MAPK9: variants seen among roughly 807,000 people sequenced by gnomAD.
MAPK9 encodes mitogen-activated protein kinase 9, also known as Jun kinase.
In MAPK9, 30 loss-of-function variants were observed where a neutral mutation model predicts 57.1. The observed-to-expected ratio is 0.53, with a 90% confidence interval of 0.39 to 0.71. The LOEUF (loss-of-function observed/expected upper bound fraction) is 0.71. MAPK9 is among the 30% of genes least tolerant of loss of function. The pLI, the probability that MAPK9 is intolerant of heterozygous loss-of-function variation, is 0.00. For missense variants in MAPK9, 362 were observed against 521.0 expected (o/e 0.69, Z 2.97); for synonymous variants, 155 against 177.0 (o/e 0.88, Z 0.99).
At chr5:180,248,926 A>T in intron 6 of MAPK9, 47 bp downstream of exon 6, 2 of 1,549,856 alleles carry the variant, frequency 1.3e-6, no homozygotes, top group Non-Finnish European at 1.7e-6. Context: ...CCACCGCTAG[A>T]GCAATTTCTA....
chr5:180,239,011 A>G (rs1006607839), intron 10 of MAPK9, among the ~76,000 whole-genome samples: 4 of 152,022 alleles, frequency 2.6e-5, no homozygotes, highest in Admixed American at 2.6e-4. Context: ...CCCACAGAAC[A>G]CTGTAGGGGA....
chr5:180,266,251 C>A (rs965689213), intron 3 of MAPK9, among the ~76,000 whole-genome samples: 10 of 149,976 alleles, frequency 6.7e-5, no homozygotes, highest in African/African-American at 2.2e-4. Context: ...TTGGCAAAAG[C>A]AAAACAAAAA....
intron 4 of MAPK9, among the ~76,000 whole-genome samples, chr5:180,262,369 A>G (rs748878314): frequency 6.8e-5 from 8 of 118,122 alleles, no homozygotes; most frequent in Non-Finnish European, 1.5e-4. Context: ...CTCCCTTTGC[A>G]AGCAAAACTC....
chr5:180,276,025 T>C (rs1246654222), intron 2 of MAPK9, among the ~76,000 whole-genome samples: 3 of 152,190 alleles, frequency 2.0e-5, no homozygotes, highest in African/African-American at 4.8e-5. Context: ...GTGAAAATAT[T>C]GAGGCCCATA....
intron 5 of MAPK9, among the ~76,000 whole-genome samples, chr5:180,260,181 T>A (rs1398062340): frequency 6.6e-6 from 1 of 152,118 alleles, no homozygotes; most frequent in Non-Finnish European, 1.5e-5. Context: ...CTTGAAGACA[T>A]AAAAGAACTC....
At chr5:180,282,408 G>A (rs1209911131) in intron 1 of MAPK9, among the ~76,000 whole-genome samples, 2 of 152,172 alleles carry the variant, frequency 1.3e-5, no homozygotes, top group Non-Finnish European at 2.9e-5. Flanking sequence ...CGCGAGCAGT[G>A]AGTCCATTAT....
chr5:180,236,321 G>A lies in MAPK9; in HGVS notation c.*63C>T. On this transcript the variant is annotated 3_prime_UTR_variant, in exon 12 of 12. Coordinates refer to ENST00000452135, the MANE Select transcript of MAPK9 (RefSeq NM_002752.5). ...TCTATTTGGTTCCATCAACTCCCAA[G>A]CATTTCAGGCCCACGGAGGTGAGAG... The A allele has an allele frequency of 2.6e-6, 4 of 1,517,742 alleles. No individual in the cohort carries two copies. The South Asian group carries it at 3.9e-5, about 15-fold the overall frequency. 94.0% of individuals were successfully genotyped at this position (1,517,742 alleles called of 1,614,324 possible).
intron 9 of MAPK9, among the ~76,000 whole-genome samples, chr5:180,240,404 G>A (rs1757547889): frequency 6.6e-6 from 1 of 152,172 alleles, no homozygotes; most frequent in Non-Finnish European, 1.5e-5. Flanking sequence ...ACTCATAAAT[G>A]GACTGTTATA....
chr5:180,258,223 TATAA>T (rs1405648688), intron 5 of MAPK9: 1 of 152,250 alleles, frequency 6.6e-6, no homozygotes, highest in Non-Finnish European at 1.5e-5. Flanking sequence ...GGAAAAACCT[TATAA>T]ATGTCAGAAA....
At chr5:180,241,340 T>C (rs542625839) in intron 8 of MAPK9, among the ~76,000 whole-genome samples, 185 bp from the exon 9 acceptor site, 3 of 151,932 alleles carry the variant, frequency 2.0e-5, no homozygotes, top group Non-Finnish European at 2.9e-5. Context: ...AGTCTCGCTC[T>C]GTCGCCCAAT....
rs1278990216 is a variant in MAPK9, at chr5:180,280,571, T to C, written c.-10A>G. On this transcript the variant is annotated 5_prime_UTR_variant, in exon 2 of 12. Transcript: ENST00000452135. Reference sequence around the variant, plus strand: ...ATTTACTGTCGCTCATGATGCAGCGTCCTGCAATATCCCGAAGGGTGGGCA... The same window carrying C: ...ATTTACTGTCGCTCATGATGCAGCGCCCTGCAATATCCCGAAGGGTGGGCA... 6.2e-7 allele frequency: 1 copy of C among 1,610,820 alleles called. No homozygotes were observed. Among genetic ancestry groups the C allele is most frequent in the Non-Finnish European group, 8.5e-7 (1 of 1,178,842 alleles).
chr5:180,236,411 C>T lies in MAPK9; in HGVS notation c.1248G>A (p.Ser416=), dbSNP rs1318651310. ...ATCGACAGCCTTCAAGGGGTCCCGT[C>T]GAGGCATCAAGACTGCTGTCTGTGT... ...ASDTDSSLDA[S]TGPLEGCR The change falls in exon 12 of 12, where the codon TCG becomes TCA. Residue 416 remains serine (S), a synonymous_variant. Transcript: ENST00000452135. The T allele has an allele frequency of 3.1e-6, 5 of 1,612,254 alleles. No homozygotes were observed. Among genetic ancestry groups the T allele is most frequent in the South Asian group, 2.2e-5 (2 of 90,868 alleles).
At chr5:180,275,727 T>G (rs1198961127) in intron 2 of MAPK9, among the ~76,000 whole-genome samples, 2 of 152,226 alleles carry the variant, frequency 1.3e-5, no homozygotes, top group African/African-American at 4.8e-5. Flanking sequence ...GGCACACTTT[T>G]AATTAACAGC....
At position 180,261,740 on chromosome 5, in the gene MAPK9, G is replaced by A; in HGVS notation, c.394C>T (p.Leu132Phe). 6.2e-7 allele frequency: 1 copy of A among 1,613,364 alleles called. No individual in the cohort carries two copies. The highest frequency in any genetic ancestry group is 8.5e-7 in the Non-Finnish European group (1 of 1,179,508). Residue 132 changes from leucine (L) to phenylalanine (F), a missense_variant, in exon 5 of 12, where the codon CTT (leucine) becomes TTT (phenylalanine). Physicochemically the swap from Leu to Phe is conservative, Grantham distance 22 (BLOSUM62 0). Around this residue, in one of 3 missense-constraint regions of MAPK9, gnomAD observed 127 missense variants for 231.7 expected, o/e 0.55. Coordinates refer to ENST00000452135, the MANE Select transcript of MAPK9 (RefSeq NM_002752.5). ...ELDHERMSYL[L>F]YQMLCGIKHL... ...TTAATACCACAAAGCATCTGGTAAAGAAGGTAGGACATTCTTTCATGATCC... is the reference window on the plus strand; with the variant it reads ...TTAATACCACAAAGCATCTGGTAAAAAAGGTAGGACATTCTTTCATGATCC...
Position 180,238,367 on chromosome 5 carries a change from C to G in MAPK9, c.1097G>C (p.Arg366Thr), listed in dbSNP as rs55736180. 1 of 1,612,564 alleles carries G rather than the reference C, an allele frequency of 6.2e-7. No individual in the cohort carries two copies. The highest frequency in any genetic ancestry group is 1.7e-5 in the Admixed American group (1 of 59,980). The stretch of plus-strand genomic sequence containing the variant: ...ATCTTTTACAACACCATTCTTGCTT[C>G]TTTCTTCCCAATCCATGACTTCTTT... ...IYKEVMDWEE[R>T]SKNGVVKDQP... The change falls in exon 11 of 12, where the codon AGA becomes ACA. Residue 366 changes from arginine (R) to threonine (T), a missense_variant. By Grantham distance (71) the Arg-to-Thr change is moderately conservative. Transcript: ENST00000452135.
Position 180,245,521 on chromosome 5 carries a change from C to T in MAPK9, c.688+1918G>A, listed in dbSNP as rs1758015118. On this transcript the variant is annotated intron_variant, in intron 7 of 11. Coordinates refer to ENST00000452135, the MANE Select transcript of MAPK9 (RefSeq NM_002752.5). ...AGTTGTGAGAGGAGACCCACAGATT[C>T]CCCGAGAGGACTCCACCCCAGCATC... Among the ~76,000 whole-genome samples the T allele has an allele frequency of 2.0e-5, 3 of 152,120 alleles. No homozygotes were observed. The South Asian group carries it at 6.2e-4, about 32-fold the overall frequency.
At chr5:180,285,977 G>A (rs1762712481) in intron 1 of MAPK9, among the ~76,000 whole-genome samples, 1 of 149,208 alleles carries the variant, frequency 6.7e-6, no homozygotes, top group African/African-American at 2.5e-5. Context: ...CTACTAGGGA[G>A]GCTGAGGCAG....
rs1162803165 is a variant in MAPK9, at chr5:180,234,165, G to T, written c.*2219C>A. On this transcript the variant is annotated 3_prime_UTR_variant, in exon 12 of 12. Transcript: ENST00000452135. ...CATGTCCAAAATAGTTACTTCCTGG[G>T]TTGTGTACAATATAAATTACAAAAA... The T allele has an allele frequency of 6.6e-6, 1 of 152,188 alleles. No homozygotes were observed. Among genetic ancestry groups the T allele is most frequent in the Non-Finnish European group, 1.5e-5 (1 of 68,038 alleles). 9.4% of individuals were successfully genotyped at this position (152,188 alleles called of 1,614,324 possible).
intron 9 of MAPK9, 107 bp downstream of exon 9, chr5:180,240,924 A>G (rs900384614): frequency 6.8e-6 from 9 of 1,324,522 alleles, no homozygotes; most frequent in Admixed American, 2.8e-5. Flanking sequence ...GGAGCCCCCA[A>G]ATGGAGAACT....
Sources: allele counts gnomAD v4.1 joint callset (sites outside exome capture counted in the v4.1 genomes callset), GRCh38; gene constraint gnomAD v4.1.1; regional missense constraint gnomAD v4.1.1; transcripts MANE v1.5; gene names NCBI Gene and HGNC (gene_info 2026-07-23, HGNC 2026-07-21).